The following ZNF804B variants were observed in gnomAD, a reference collection of about 807,000 sequenced individuals.
ZNF804B encodes the protein zinc finger 804B.
A neutral mutation model predicts 101.4 loss-of-function variants in ZNF804B; 80 were observed. The ratio of observed to expected loss-of-function variants is 0.79; its 90% CI spans 0.66 to 0.95. ZNF804B has a LOEUF of 0.95. ZNF804B is among the 40% of genes least tolerant of loss of function. The probability of loss-of-function intolerance (pLI) is 0.00; values close to 1 mark genes in which losing one functional copy is unlikely to be tolerated. For missense variants in ZNF804B, 1,673 were observed against 1,561.9 expected (o/e 1.07, Z -1.20); for synonymous variants, 622 against 558.8 (o/e 1.11, Z -1.59).
intron 1 of ZNF804B, among the ~76,000 whole-genome samples, chr7:88,976,612 T>C (rs1490555020): frequency 6.6e-6 from 1 of 151,572 alleles, no homozygotes; most frequent in Non-Finnish European, 1.5e-5. Flanking sequence ...ACTGAATTTA[T>C]TAGTTTTAAT....
At chr7:89,238,497 G>A (rs1257487434) in intron 2 of ZNF804B, among the ~76,000 whole-genome samples, 3 of 152,128 alleles carry the variant, frequency 2.0e-5, no homozygotes, top group Non-Finnish European at 4.4e-5. Context: ...CATTTTGTAA[G>A]AGCAAATTTG....
At chr7:89,095,661 G>A (rs968864353) in intron 1 of ZNF804B, among the ~76,000 whole-genome samples, 17 of 152,246 alleles carry the variant, frequency 1.1e-4, no homozygotes, top group African/African-American at 3.4e-4. Context: ...CTAGTTTAGC[G>A]TAAAACTAAA....
intron 2 of ZNF804B, among the ~76,000 whole-genome samples, chr7:89,245,401 C>T (rs1789428346): frequency 6.6e-6 from 1 of 152,024 alleles, no homozygotes; most frequent in Non-Finnish European, 1.5e-5. Context: ...GAATAATAGA[C>T]ATACTGCTCT....
Position 88,871,399 on chromosome 7 carries a change from T to TA in ZNF804B, c.108+111324dup, listed in dbSNP as rs919001351. Among the ~76,000 whole-genome samples the TA allele has an allele frequency of 1.3e-4, 20 of 149,298 alleles. 1 individual carries two copies. Among genetic ancestry groups the TA allele is most frequent in the South Asian group, 2.1e-4 (1 of 4,728 alleles). ...AAAGTAAAAGTGCAATTTACCCCAGTAAAAAAAAAGGCACTACAAAAACCT... is the reference window on the plus strand; with the variant it reads ...AAAGTAAAAGTGCAATTTACCCCAGTAAAAAAAAAAGGCACTACAAAAACCT... On this transcript the variant is annotated intron_variant, in intron 1 of 3. Transcript: ENST00000333190.
chr7:89,047,217 T>C (rs981284319), intron 1 of ZNF804B, among the ~76,000 whole-genome samples: 1 of 152,160 alleles, frequency 6.6e-6, no homozygotes, highest in African/African-American at 2.4e-5. Flanking sequence ...CCTTGGACTT[T>C]GTAAAGTTAA....
chr7:89,241,129 A>C (rs552834931), intron 2 of ZNF804B, among the ~76,000 whole-genome samples: 14 of 152,224 alleles, frequency 9.2e-5, no homozygotes, highest in African/African-American at 3.1e-4. Flanking sequence ...AAACCACTGA[A>C]GGCCATTCTG....
intron 1 of ZNF804B, among the ~76,000 whole-genome samples, chr7:89,056,495 G>A (rs1789297383): frequency 6.6e-6 from 1 of 152,070 alleles, no homozygotes; most frequent in African/African-American, 2.4e-5. Context: ...TAAGGTCAGG[G>A]GAAGACCTGT....
intron 2 of ZNF804B, among the ~76,000 whole-genome samples, chr7:89,313,564 A>G (rs1190980877): frequency 1.3e-5 from 2 of 152,204 alleles, no homozygotes; most frequent in Non-Finnish European, 2.9e-5. Flanking sequence ...GATCAATTTG[A>G]TTCTTCACTT....
intron 1 of ZNF804B, among the ~76,000 whole-genome samples, chr7:88,890,789 A>G (rs573548776): frequency 3.9e-5 from 6 of 152,272 alleles, no homozygotes; most frequent in Admixed American, 6.5e-5. Flanking sequence ...AACACAATTT[A>G]TTCATTTTAT....
intron 1 of ZNF804B, among the ~76,000 whole-genome samples, chr7:88,802,720 G>GAAA (rs202067013): frequency 6.3e-5 from 9 of 143,580 alleles, no homozygotes; most frequent in East Asian, 2.0e-4. Flanking sequence ...TAATGAACAG[G>GAAA]AAAAAAAAAA....
intron 1 of ZNF804B, among the ~76,000 whole-genome samples, chr7:89,203,752 C>T (rs1214607038): frequency 2.6e-5 from 4 of 152,022 alleles, no homozygotes; most frequent in African/African-American, 4.8e-5. Context: ...TAATAGCAGA[C>T]GTTCAGGAGA....
At chr7:88,873,914 G>A (rs1791881554) in intron 1 of ZNF804B, among the ~76,000 whole-genome samples, 1 of 152,104 alleles carries the variant, frequency 6.6e-6, no homozygotes, top group Admixed American at 6.5e-5. Flanking sequence ...GATGCCTCCA[G>A]CTTTGTCCTT....
chr7:89,101,431 A>G (rs1391584890), intron 1 of ZNF804B, among the ~76,000 whole-genome samples: 10 of 152,004 alleles, frequency 6.6e-5, no homozygotes, highest in Admixed American at 5.9e-4. Context: ...ATGAACATAA[A>G]CGGCTACTCC....
At chr7:88,963,181 A>T in intron 1 of ZNF804B, among the ~76,000 whole-genome samples, 1 of 151,368 alleles carries the variant, frequency 6.6e-6, no homozygotes, top group Middle Eastern at 3.4e-3. Context: ...GCTAAAATTC[A>T]TACGGACTCT....
At chr7:88,869,511 C>T (rs2115875234) in intron 1 of ZNF804B, among the ~76,000 whole-genome samples, 1 of 152,130 alleles carries the variant, frequency 6.6e-6, no homozygotes, top group African/African-American at 2.4e-5. Flanking sequence ...TTAAAATATC[C>T]CCTCTCACTC....
intron 1 of ZNF804B, among the ~76,000 whole-genome samples, chr7:88,815,087 C>A (rs1414578792): frequency 6.8e-6 from 1 of 147,900 alleles, no homozygotes; most frequent in East Asian, 2.0e-4. Flanking sequence ...TGTGTTCATA[C>A]ATATATGTAT....
intron 1 of ZNF804B, among the ~76,000 whole-genome samples, chr7:89,095,701 G>A (rs2116331265): frequency 6.6e-6 from 1 of 152,292 alleles, no homozygotes; most frequent in Non-Finnish European, 1.5e-5. Context: ...ATTAACAAAT[G>A]AGAATCCCAA....
intron 1 of ZNF804B, among the ~76,000 whole-genome samples, chr7:89,076,340 T>C (rs1789614980): frequency 6.6e-6 from 1 of 151,788 alleles, no homozygotes; most frequent in African/African-American, 2.4e-5. Flanking sequence ...AGTGAATGAG[T>C]CTCATAAGAT....
rs530143015 is a variant in ZNF804B at position 89,169,933 on chromosome 7, T to G, written c.109-48222T>G. On this transcript the variant is annotated intron_variant, in intron 1 of 3. Transcript: ENST00000333190. ...TTACAGAGAAATAAGAAGCTATTGG[T>G]AAGCCTGCAAGTCAGTTATTTAGTG... Among the ~76,000 whole-genome samples the G allele has an allele frequency of 1.3e-5, 2 of 152,190 alleles. 1 individual carries two copies. Among genetic ancestry groups the G allele is most frequent in the Non-Finnish European group, 2.9e-5 (2 of 68,038 alleles).
Sources: gnomAD v4.1 joint callset for allele counts (sites outside exome capture counted in the v4.1 genomes callset) on GRCh38, gnomAD v4.1.1 for gene constraint, MANE v1.5 for transcripts, NCBI Gene and HGNC (gene_info 2026-07-23, HGNC 2026-07-21) for gene names.